CCDC141: variants seen among roughly 807,000 people sequenced by gnomAD.
The protein encoded by CCDC141 is coiled-coil domain-containing protein 141.
A neutral mutation model predicts 181.0 loss-of-function variants in CCDC141; 168 were observed. That is an observed-to-expected ratio of 0.93 (90% confidence interval 0.82 to 1.05). CCDC141 has a LOEUF of 1.05. CCDC141 is among the 50% of genes least tolerant of loss of function. The probability of loss-of-function intolerance (pLI) is 0.00; values close to 1 mark genes in which losing one functional copy is unlikely to be tolerated. For missense variants in CCDC141, 1,902 were observed against 1,788.5 expected, an observed-to-expected ratio of 1.06 and a Z score of -1.14; for synonymous variants, 666 against 642.3, an observed-to-expected ratio of 1.04 and a Z score of -0.56.
intron 2 of CCDC141, among the ~76,000 whole-genome samples, chr2:179,009,247 A>C (rs1025799575): frequency 2.0e-5 from 3 of 152,084 alleles, no homozygotes; most frequent in African/African-American, 7.2e-5. Context: ...AAGCTGTTAC[A>C]ACTTTATTGG....
intron 5 of CCDC141, among the ~76,000 whole-genome samples, chr2:178,960,650 T>C (rs191053878): frequency 5.5e-4 from 83 of 152,270 alleles, no homozygotes; most frequent in South Asian, 8.3e-4. Context: ...GTCAAGCACA[T>C]TGACGACCCA....
At chr2:179,023,057 C>T (rs749186424) in intron 2 of CCDC141, among the ~76,000 whole-genome samples, 7 of 152,174 alleles carry the variant, frequency 4.6e-5, no homozygotes, top group Non-Finnish European at 8.8e-5. Flanking sequence ...AGGCACACCA[C>T]TGGAGTGGGA....
chr2:179,047,211 G>T, intron 2 of CCDC141, 73 bp downstream of exon 2: 1 of 1,353,154 alleles, frequency 7.4e-7, no homozygotes, highest in South Asian at 1.8e-5. Context: ...AACAGCAGAG[G>T]AATCAAGAAG....
chr2:178,844,418 G>A (rs757956477), intron 22 of CCDC141, among the ~76,000 whole-genome samples: 1 of 152,078 alleles, frequency 6.6e-6, no homozygotes, highest in African/African-American at 2.4e-5. Context: ...GAATTCTCTG[G>A]CCAAAATGTC....
chr2:178,866,154 A>T (rs945418026), intron 16 of CCDC141, among the ~76,000 whole-genome samples: 11 of 152,220 alleles, frequency 7.2e-5, no homozygotes, highest in African/African-American at 2.4e-4. Flanking sequence ...TTCGCTCATC[A>T]CACCCAACTC....
At chr2:178,972,580 G>C (rs1467322845) in intron 4 of CCDC141, among the ~76,000 whole-genome samples, 1 of 152,156 alleles carries the variant, frequency 6.6e-6, no homozygotes, top group Non-Finnish European at 1.5e-5. Context: ...CATGGCCCTG[G>C]ATTTCTCACG....
intron 2 of CCDC141, among the ~76,000 whole-genome samples, chr2:179,032,642 T>G (rs1030247255): frequency 6.6e-6 from 1 of 152,120 alleles, no homozygotes; most frequent in Non-Finnish European, 1.5e-5. Flanking sequence ...CCCTAATCTA[T>G]CTGCCGGCAT....
At chr2:178,977,965 T>C (rs1691198856) in intron 3 of CCDC141, among the ~76,000 whole-genome samples, 1 of 152,188 alleles carries the variant, frequency 6.6e-6, no homozygotes, top group Admixed American at 6.5e-5. Flanking sequence ...TTGTAAGGTG[T>C]TCAAACTATG....
At chr2:178,883,077 T>C (rs1290466061) in intron 11 of CCDC141, among the ~76,000 whole-genome samples, 2 of 152,196 alleles carry the variant, frequency 1.3e-5, no homozygotes, top group African/African-American at 2.4e-5. Context: ...AAGCTAAGCC[T>C]CCTGGTCCAA....
At position 178,918,791 on chromosome 2, in the gene CCDC141, T is replaced by G; in HGVS notation, c.1014A>C (p.Gln338His). ...QLSHQKLSQL[Q>H]EEFGQLMVER... is the part of the protein sequence containing the mutation. ...CCACCATGAGTTGACCAAATTCTTC[T>G]TGAAGCTGACTGAGTTTCTGGTGAG... is the stretch of plus-strand genomic sequence containing the variant. The change falls in exon 7 of 24, where the codon CAA (glutamine) becomes CAC (histidine). Residue 338 changes from glutamine to histidine, a missense_variant. By Grantham distance (24) the Gln-to-His change is conservative. Coordinates refer to ENST00000443758, the MANE Select transcript of CCDC141 (RefSeq NM_173648.4). 6.4e-7 allele frequency: 1 copy of G among 1,550,638 alleles called. No homozygotes were observed. Among genetic ancestry groups the G allele is most frequent in the Non-Finnish European group, 8.7e-7 (1 of 1,147,004 alleles).
At chr2:178,924,271 T>C (rs1453984608) in intron 6 of CCDC141, among the ~76,000 whole-genome samples, 3 of 152,230 alleles carry the variant, frequency 2.0e-5, no homozygotes, top group Admixed American at 6.5e-5. Flanking sequence ...GAAGCATGTG[T>C]TGAGTTCATG....
At chr2:179,026,908 G>A (rs1239815930) in intron 2 of CCDC141, among the ~76,000 whole-genome samples, 1 of 152,222 alleles carries the variant, frequency 6.6e-6, no homozygotes, top group Non-Finnish European at 1.5e-5. Context: ...CTTGCATGGG[G>A]CCTATAGCCC....
intron 2 of CCDC141, among the ~76,000 whole-genome samples, chr2:178,986,079 G>A (rs1691717912): frequency 6.6e-6 from 1 of 152,132 alleles, no homozygotes; most frequent in South Asian, 2.1e-4. Flanking sequence ...TAAAATACTG[G>A]CAAACCGAAT....
chr2:178,990,644 C>T (rs1164241593), intron 2 of CCDC141, among the ~76,000 whole-genome samples: 1 of 150,644 alleles, frequency 6.6e-6, no homozygotes, highest in Non-Finnish European at 1.5e-5. Flanking sequence ...GGAAGTGAGA[C>T]CAATACATGC....
chr2:179,017,177 G>C (rs2042566397), intron 2 of CCDC141, among the ~76,000 whole-genome samples: 1 of 151,772 alleles, frequency 6.6e-6, no homozygotes, highest in African/African-American at 2.4e-5. Context: ...CATACTGGTG[G>C]CCTGTTTATC....
intron 2 of CCDC141, among the ~76,000 whole-genome samples, chr2:178,995,353 A>T (rs1233781346): frequency 2.6e-5 from 4 of 152,104 alleles, no homozygotes; most frequent in African/African-American, 9.7e-5. Flanking sequence ...AATTTTTAAA[A>T]CCATCAGATC....
downstream of CCDC141, among the ~76,000 whole-genome samples, chr2:178,827,776 T>C (rs1481057853): frequency 1.3e-5 from 2 of 152,152 alleles, no homozygotes; most frequent in Admixed American, 6.5e-5. Context: ...GTCATTGTAG[T>C]AGCTTCCTAG....
chr2:179,015,087 T>TATATATATATATATATATA (rs2042404145), intron 2 of CCDC141, among the ~76,000 whole-genome samples: 3 of 46,312 alleles, frequency 6.5e-5, no homozygotes, highest in African/African-American at 2.0e-4. Context: ...TATATATATA[T>TATATATATATATATATATA]ATATATATAT....
chr2:178,960,877 C>T (rs1337080431), intron 5 of CCDC141, among the ~76,000 whole-genome samples: 1 of 152,174 alleles, frequency 6.6e-6, no homozygotes, highest in Non-Finnish European at 1.5e-5. Context: ...CAGCATCATG[C>T]CTCTTCAACT....
Sources: gnomAD v4.1 joint callset for allele counts (sites outside exome capture counted in the v4.1 genomes callset) on GRCh38, gnomAD v4.1.1 for gene constraint, MANE v1.5 for transcripts, NCBI Gene and HGNC (gene_info 2026-07-23, HGNC 2026-07-21) for gene names.